The following MBNL2 variants were observed in gnomAD, a reference collection of about 807,000 sequenced individuals.
MBNL2 encodes muscleblind-like protein 2.
A neutral mutation model predicts 41.9 loss-of-function variants in MBNL2; 17 were observed. The ratio of observed to expected loss-of-function variants is 0.41; its 90% CI spans 0.28 to 0.61. The LOEUF (loss-of-function observed/expected upper bound fraction) is 0.61, where lower values mean the gene tolerates loss of function less well. MBNL2 is among the 20% of genes least tolerant of loss of function. The probability of loss-of-function intolerance (pLI) is 0.35; values close to 1 mark genes in which losing one functional copy is unlikely to be tolerated. For synonymous variants in MBNL2, 195 were observed against 182.9 expected (o/e 1.07, Z -0.53); for missense variants, 336 against 505.6 (o/e 0.66, Z 3.22).
chr13:97,273,467 G>T (rs2051511930), intron 1 of MBNL2, among the ~76,000 whole-genome samples: 1 of 152,206 alleles, frequency 6.6e-6, no homozygotes, highest in African/African-American at 2.4e-5. Flanking sequence ...ATTAGCTTCT[G>T]TGAATGCAGC....
the MBNL2 span, among the ~76,000 whole-genome samples, chr13:97,166,443 G>C: frequency 9.2e-6 from 1 of 108,970 alleles, no homozygotes; most frequent in Non-Finnish European, 1.9e-5. Context: ...AGGATGCAAA[G>C]TATGGATCTT....
intron 7 of MBNL2, among the ~76,000 whole-genome samples, chr13:97,362,771 T>TGGC (rs1314132660): frequency 3.5e-4 from 53 of 152,176 alleles, no homozygotes; most frequent in South Asian, 1.5e-3. Context: ...GAAGACCACT[T>TGGC]AGGATGTTAT....
chr13:97,300,725 C>G (rs2057535469), intron 2 of MBNL2, among the ~76,000 whole-genome samples: 1 of 152,190 alleles, frequency 6.6e-6, no homozygotes, highest in African/African-American at 2.4e-5. Flanking sequence ...TGCTAACCAC[C>G]ATTGATCTGC....
intron 2 of MBNL2, among the ~76,000 whole-genome samples, chr13:97,331,564 C>T (rs548464402): frequency 1.3e-5 from 2 of 152,276 alleles, no homozygotes; most frequent in Non-Finnish European, 2.9e-5. Context: ...AATAGCTTGG[C>T]AGCGTGATGT....
At chr13:97,183,623 G>A in the MBNL2 span, among the ~76,000 whole-genome samples, 216 of 152,212 alleles carry the variant, frequency 1.4e-3, 1 homozygote, top group African/African-American at 5.0e-3. Context: ...ACAATTTTAC[G>A]CCCACAGTTG....
chr13:97,390,723 A>G (rs2066332961), intron 8 of MBNL2, among the ~76,000 whole-genome samples: 1 of 152,170 alleles, frequency 6.6e-6, no homozygotes, highest in Admixed American at 6.5e-5. Flanking sequence ...TAACTGCCTT[A>G]ATAGACTGTT....
intron 1 of MBNL2, among the ~76,000 whole-genome samples, chr13:97,245,387 T>C (rs2152823411): frequency 6.6e-6 from 1 of 152,316 alleles, no homozygotes; most frequent in East Asian, 1.9e-4. Context: ...ATTCATTTGC[T>C]ACCCTTGGCA....
In MBNL2 at chr13:97,392,720, C is replaced by A; in HGVS notation, c.*1271C>A. 1 of 152,318 alleles carries A rather than the reference C, an allele frequency of 6.6e-6. No homozygotes were observed. Among genetic ancestry groups the A allele is most frequent in the East Asian group, 1.9e-4 (1 of 5,188 alleles). The allele number at this position is 152,318 out of a possible 1,614,324, so 9.4% of individuals were successfully genotyped here. A position where few individuals can be genotyped will look rare whatever the true frequency, so the allele number is the denominator to read the frequency against. On this transcript the variant is annotated 3_prime_UTR_variant, in exon 9 of 9. Transcript: ENST00000679496. ...AAAGTTTATTTTAAGCACTATCGTA[C>A]CAAATATTTCATATTTCACATTTTA... is the stretch of plus-strand genomic sequence containing the variant.
rs560085235 is a variant in MBNL2 at position 97,308,694 on chromosome 13, G to A, written c.175-25582G>A. Reference sequence around the variant, plus strand: ...AGGCCCCTGAAGTTTTATGATGATCGATCTGTATAACAGAATATTTCTTTT... The same window carrying A: ...AGGCCCCTGAAGTTTTATGATGATCAATCTGTATAACAGAATATTTCTTTT... On this transcript the variant is annotated intron_variant, in intron 2 of 8. Coordinates refer to ENST00000679496, the MANE Select transcript of MBNL2 (RefSeq NM_001382683.1). Among the ~76,000 whole-genome samples the A allele has an allele frequency of 7.9e-5, 12 of 152,228 alleles. No individual in the cohort carries two copies. In the South Asian group the frequency reaches 1.9e-3, roughly 24 times the overall value.
the MBNL2 span, among the ~76,000 whole-genome samples, chr13:97,188,507 C>A: frequency 1.3e-5 from 2 of 152,134 alleles, no homozygotes; most frequent in Non-Finnish European, 2.9e-5. Flanking sequence ...AATATGCATG[C>A]CTTTTCCTTA....
chr13:97,209,149 T>C, the MBNL2 span, among the ~76,000 whole-genome samples: 1 of 152,220 alleles, frequency 6.6e-6, no homozygotes, highest in East Asian at 1.9e-4. Context: ...ATATTTCCTT[T>C]AAAATATTGC....
chr13:97,270,055 CAAAG>C (rs1479495124), intron 1 of MBNL2, among the ~76,000 whole-genome samples: 1 of 152,148 alleles, frequency 6.6e-6, no homozygotes, highest in African/African-American at 2.4e-5. Flanking sequence ...AGGTGGGTCT[CAAAG>C]AAATTGACTT....
chr13:97,252,794 G>A (rs1473545290), intron 1 of MBNL2, among the ~76,000 whole-genome samples: 1 of 151,888 alleles, frequency 6.6e-6, no homozygotes, highest in Non-Finnish European at 1.5e-5. Flanking sequence ...GAATTTTCTG[G>A]CTATATAATC....
intron 2 of MBNL2, among the ~76,000 whole-genome samples, chr13:97,325,596 G>A (rs556684192): frequency 6.6e-6 from 1 of 152,266 alleles, no homozygotes; most frequent in South Asian, 2.1e-4. Context: ...CTGGCATGGT[G>A]GTAAGCACCT....
At chr13:97,364,830 C>G (rs1428093556) in intron 7 of MBNL2, among the ~76,000 whole-genome samples, 1 of 152,134 alleles carries the variant, frequency 6.6e-6, no homozygotes, top group Non-Finnish European at 1.5e-5. Context: ...CTGTAAAATA[C>G]TTTGAGGTCT....
chr13:97,357,059 G>A (rs929503577), intron 6 of MBNL2, among the ~76,000 whole-genome samples: 1 of 152,082 alleles, frequency 6.6e-6, no homozygotes, highest in African/African-American at 2.4e-5. Context: ...AAAGAGTGAA[G>A]CAAATTTAAA....
intron 1 of MBNL2, among the ~76,000 whole-genome samples, chr13:97,229,111 T>C (rs2042048239): frequency 6.7e-6 from 1 of 149,502 alleles, no homozygotes; most frequent in Non-Finnish European, 1.5e-5. Context: ...AGATATTGAA[T>C]TATTCTAAAA....
At chr13:97,171,795 T>C in the MBNL2 span, among the ~76,000 whole-genome samples, 1 of 152,174 alleles carries the variant, frequency 6.6e-6, no homozygotes, top group South Asian at 2.1e-4. Flanking sequence ...ATAATTCCCA[T>C]GTGTTATGGG....
At chr13:97,215,497 A>G in the MBNL2 span, among the ~76,000 whole-genome samples, 1 of 152,210 alleles carries the variant, frequency 6.6e-6, no homozygotes, top group African/African-American at 2.4e-5. Context: ...AGTAGTTGTT[A>G]AGCTGATAAA....
Sources: allele counts gnomAD v4.1 joint callset (sites outside exome capture counted in the v4.1 genomes callset), GRCh38; gene constraint gnomAD v4.1.1; transcripts MANE v1.5; gene names NCBI Gene and HGNC (gene_info 2026-07-23, HGNC 2026-07-21).